CD38: variants seen among roughly 807,000 people sequenced by gnomAD.
CD38 encodes CD38 molecule, also known as ADP-ribosyl cyclase/cyclic ADP-ribose hydrolase 1.
A neutral mutation model predicts 36.3 loss-of-function variants in CD38; 31 were observed. That is an observed-to-expected ratio of 0.85 (90% confidence interval 0.64 to 1.15). The LOEUF is 1.15. Among genes scored for constraint, CD38 ranks in the 50% most tolerant of loss-of-function variants. The pLI is 0.00. For synonymous variants in CD38, 131 were observed against 135.2 expected (o/e 0.97, Z 0.22); for missense variants, 380 against 371.9 (o/e 1.02, Z -0.18).
At chr4:15,847,524 C>T (rs529940937) in intron 7 of CD38, among the ~76,000 whole-genome samples, 2 of 104,420 alleles carry the variant, frequency 1.9e-5, no homozygotes, top group African/African-American at 8.3e-5. Context: ...CTAACCTGCA[C>T]AATGTGCACA....
At chr4:15,801,250 A>C (rs1170955104) in intron 1 of CD38, among the ~76,000 whole-genome samples, 1 of 152,088 alleles carries the variant, frequency 6.6e-6, no homozygotes, top group African/African-American at 2.4e-5. Flanking sequence ...GAATAGACCA[A>C]TAACAATTAT....
intron 2 of CD38, among the ~76,000 whole-genome samples, chr4:15,821,476 G>A (rs1019412053): frequency 1.3e-5 from 2 of 151,624 alleles, no homozygotes; most frequent in African/African-American, 4.8e-5. Context: ...AGAAGAATCA[G>A]ATAGATACAA....
At chr4:15,815,052 G>T (rs561303962) in intron 1 of CD38, among the ~76,000 whole-genome samples, 2 of 152,176 alleles carry the variant, frequency 1.3e-5, no homozygotes, top group South Asian at 4.1e-4. Context: ...TGATCTGCCT[G>T]CCTCAGCCTC....
intron 1 of CD38, among the ~76,000 whole-genome samples, chr4:15,787,962 C>G (rs1722878537): frequency 6.6e-6 from 1 of 152,200 alleles, no homozygotes; most frequent in Non-Finnish European, 1.5e-5. Context: ...TAGACAAACT[C>G]CCCTACATTC....
rs191558369 is a variant in CD38 at position 15,838,083 on chromosome 4, T to A, written c.586-9T>A. 1 of 1,611,698 alleles carries A rather than the reference T, an allele frequency of 6.2e-7. No homozygotes were observed. Among genetic ancestry groups the A allele is most frequent in the African/African-American group, 1.3e-5 (1 of 74,990 alleles). On this transcript the variant is annotated splice_polypyrimidine_tract_variant and intron_variant, in intron 4 of 7. Coordinates refer to ENST00000226279, the MANE Select transcript of CD38 (RefSeq NM_001775.4). ...TGCATGATGAATGGTGGGCATTTTT[T>A]TTTTTAAGTTTGCAGAAGCTGCCTG...
intron 1 of CD38, among the ~76,000 whole-genome samples, chr4:15,801,186 A>C (rs1330235099): frequency 6.6e-6 from 1 of 152,068 alleles, no homozygotes; most frequent in Non-Finnish European, 1.5e-5. Context: ...AGATGGATAA[A>C]TTTCTGGGCA....
intron 1 of CD38, among the ~76,000 whole-genome samples, chr4:15,786,368 C>T (rs980507231): frequency 2.6e-5 from 4 of 152,202 alleles, no homozygotes; most frequent in Non-Finnish European, 5.9e-5. Context: ...ATTTACAAAC[C>T]TTGAGCTAGA....
At chr4:15,824,560 C>T (rs1030368558) in intron 2 of CD38, among the ~76,000 whole-genome samples, 3 of 152,058 alleles carry the variant, frequency 2.0e-5, no homozygotes, top group Admixed American at 6.5e-5. Context: ...TTAGGAATAT[C>T]GTAACTCTCT....
chr4:15,814,785 G>GTTTTTGT (rs371118394), intron 1 of CD38, among the ~76,000 whole-genome samples: 3 of 147,204 alleles, frequency 2.0e-5, no homozygotes, highest in Admixed American at 6.7e-5. Flanking sequence ...TCTCTGTTCT[G>GTTTTTGT]TTTTTGTTTT....
At chr4:15,809,156 G>T (rs16892418) in intron 1 of CD38, among the ~76,000 whole-genome samples, 15,887 of 152,234 alleles carry the variant, frequency 0.1, 1,357 homozygotes, top group African/African-American at 0.22. Flanking sequence ...AATGCTAATT[G>T]TTGTGGTTGT....
At chr4:15,784,522 A>T (rs1488966596) in intron 1 of CD38, among the ~76,000 whole-genome samples, 2 of 152,146 alleles carry the variant, frequency 1.3e-5, no homozygotes, top group Non-Finnish European at 2.9e-5. Flanking sequence ...TGGTCTGTCC[A>T]CAGCTGGACC....
chr4:15,816,449 A>G (rs1577649319), intron 1 of CD38, 62 bp from the exon 2 acceptor site: 1 of 1,375,080 alleles, frequency 7.3e-7, no homozygotes, highest in South Asian at 1.3e-5. Flanking sequence ...AAAAATAATT[A>G]TGCTCCAAAA....
intron 1 of CD38, among the ~76,000 whole-genome samples, chr4:15,802,423 A>G (rs1288104521): frequency 6.6e-6 from 1 of 152,116 alleles, no homozygotes; most frequent in Non-Finnish European, 1.5e-5. Context: ...TTTTCACAGA[A>G]ATGGAAAAAA....
At chr4:15,788,477 G>A (rs1722889318) in intron 1 of CD38, among the ~76,000 whole-genome samples, 2 of 151,028 alleles carry the variant, frequency 1.3e-5, no homozygotes, top group Non-Finnish European at 3.0e-5. Context: ...ACATATGAGC[G>A]CAGGTCCCCA....
At chr4:15,784,046 A>G (rs1358893702) in intron 1 of CD38, among the ~76,000 whole-genome samples, 2 of 152,194 alleles carry the variant, frequency 1.3e-5, no homozygotes, top group African/African-American at 4.8e-5. Context: ...CGGAGGACCA[A>G]CCTGGGAACA....
At chr4:15,837,582 CT>C (rs1724096844) in intron 4 of CD38, among the ~76,000 whole-genome samples, 1 of 152,158 alleles carries the variant, frequency 6.6e-6, no homozygotes, top group African/African-American at 2.4e-5. Context: ...AAATAAGACC[CT>C]TTGCTCAAGC....
chr4:15,784,811 A>G (rs1722775514), intron 1 of CD38, among the ~76,000 whole-genome samples: 1 of 152,114 alleles, frequency 6.6e-6, no homozygotes. Flanking sequence ...TAATCCCAGC[A>G]TTTTGGGAGG....
At chr4:15,814,306 G>C (rs1158824615) in intron 1 of CD38, among the ~76,000 whole-genome samples, 2 of 151,952 alleles carry the variant, frequency 1.3e-5, no homozygotes, top group Non-Finnish European at 2.9e-5. Flanking sequence ...TTTTTTTCTT[G>C]TAAATTTGTT....
rs59324393 is a variant in CD38 at position 15,780,518 on chromosome 4, T to TCACACACA, written c.233+1914_233+1921dup. ...TATATTTTAGATAATATTCTCTCTC[T>TCACACACA]CACACACACACACACACACACACAC... On this transcript the variant is annotated intron_variant, in intron 1 of 7. Coordinates refer to ENST00000226279, the MANE Select transcript of CD38 (RefSeq NM_001775.4). Among the ~76,000 whole-genome samples the TCACACACA allele has an allele frequency of 2.5e-4, 35 of 140,026 alleles. 1 individual carries two copies. The highest frequency in any genetic ancestry group is 6.3e-4 in the Admixed American group (9 of 14,202). 91.9% of individuals were successfully genotyped at this position (140,026 alleles called of 152,430 possible).
Sources: gnomAD v4.1 joint callset for allele counts (sites outside exome capture counted in the v4.1 genomes callset) on GRCh38, gnomAD v4.1.1 for gene constraint, MANE v1.5 for transcripts, NCBI Gene and HGNC (gene_info 2026-07-23, HGNC 2026-07-21) for gene names.